CNBD1: variants seen among roughly 807,000 people sequenced by gnomAD.
CNBD1 encodes the protein cyclic nucleotide binding domain containing 1.
Under a neutral mutation model 54.4 loss-of-function variants are expected in CNBD1, and 71 were observed. The ratio of observed to expected loss-of-function variants is 1.30; its 90% confidence interval spans 1.08 to 1.59. The LOEUF (loss-of-function observed/expected upper bound fraction) is 1.59. Ranked by LOEUF, CNBD1 falls within the 40% of genes most tolerant of loss-of-function variation. CNBD1 has a pLI of 0.00. For synonymous variants in CNBD1, 182 were observed against 170.7 expected (o/e 1.07, Z -0.51); for missense variants, 659 against 518.0 (o/e 1.27, Z -2.64).
chr8:86,877,173 A>G (rs1184222228), intron 1 of CNBD1, among the ~76,000 whole-genome samples: 1 of 152,068 alleles, frequency 6.6e-6, no homozygotes, highest in Non-Finnish European at 1.5e-5. Flanking sequence ...AACTGTAACT[A>G]TTAATTATCT....
chr8:87,031,611 G>A (rs962123830), intron 4 of CNBD1, among the ~76,000 whole-genome samples: 1 of 152,120 alleles, frequency 6.6e-6, no homozygotes, highest in African/African-American at 2.4e-5. Context: ...CTTTTCTGGG[G>A]TTATCTGTCT....
intron 4 of CNBD1, among the ~76,000 whole-genome samples, chr8:86,964,109 G>A (rs1808008411): frequency 4.2e-3 from 2 of 474 alleles, no homozygotes. Flanking sequence ...GTACTCTCTG[G>A]TCGTATGGCC....
At chr8:87,083,585 CTTTT>C (rs752855766) in intron 4 of CNBD1, among the ~76,000 whole-genome samples, 2 of 117,154 alleles carry the variant, frequency 1.7e-5, no homozygotes, top group Non-Finnish European at 1.8e-5. Context: ...CAATGTATTT[CTTTT>C]TTTTTTTTTT....
chr8:87,299,579 A>G (rs1487626472), intron 8 of CNBD1, among the ~76,000 whole-genome samples: 1 of 152,214 alleles, frequency 6.6e-6, no homozygotes, highest in Admixed American at 6.5e-5. Context: ...AAAATCATAG[A>G]TTAAATGGAT....
intron 4 of CNBD1, among the ~76,000 whole-genome samples, chr8:87,157,955 A>G (rs1245677429): frequency 6.6e-6 from 1 of 152,152 alleles, no homozygotes; most frequent in Non-Finnish European, 1.5e-5. Context: ...TCAGGCGACT[A>G]ATTCTAGATT....
chr8:87,244,082 C>G (rs1807754888), intron 6 of CNBD1, among the ~76,000 whole-genome samples: 1 of 151,978 alleles, frequency 6.6e-6, no homozygotes, highest in Admixed American at 6.6e-5. Context: ...TGATATCTGC[C>G]CAGGGTGTTC....
intron 6 of CNBD1, among the ~76,000 whole-genome samples, chr8:87,261,330 G>A (rs1260090505): frequency 6.6e-6 from 1 of 152,054 alleles, no homozygotes; most frequent in East Asian, 1.9e-4. Flanking sequence ...TGCGGGTTCA[G>A]TGCTCCTGGG....
At chr8:87,412,856 C>G (rs917595522) in intron 2 of CNBD1, among the ~76,000 whole-genome samples, 3 of 151,812 alleles carry the variant, frequency 2.0e-5, no homozygotes, top group Non-Finnish European at 4.4e-5. Flanking sequence ...TTGTGAGGCT[C>G]TTATATAAGA....
intron 4 of CNBD1, among the ~76,000 whole-genome samples, chr8:87,016,500 T>A (rs1021939419): frequency 1.3e-5 from 2 of 150,054 alleles, no homozygotes; most frequent in Admixed American, 6.6e-5. Flanking sequence ...CTAAGCCCTA[T>A]GGTTATCAAG....
intron 4 of CNBD1, among the ~76,000 whole-genome samples, chr8:86,972,016 G>C (rs889697920): frequency 6.6e-6 from 1 of 151,798 alleles, no homozygotes; most frequent in Non-Finnish European, 1.5e-5. Flanking sequence ...GCAGTGGCAT[G>C]ATCTCGGCTC....
rs138811659 is a variant in CNBD1 at position 87,186,521 on chromosome 8, C to T, written c.432-19472C>T. 4.9e-3 allele frequency among the ~76,000 whole-genome samples: 741 copies of T among 152,066 alleles called. 6 individuals carry two copies. Among genetic ancestry groups the T allele is most frequent in the African/African-American group, 0.017 (709 of 41,532 alleles). On this transcript the variant is annotated intron_variant, in intron 4 of 10. Coordinates refer to ENST00000518476, the MANE Select transcript of CNBD1 (RefSeq NM_173538.3). Reference sequence around the variant, plus strand: ...CTCCAAAGTTAAAAGAAACAATAAACAAACAAACAACAAAAATAAATGAGA... The same window carrying T: ...CTCCAAAGTTAAAAGAAACAATAAATAAACAAACAACAAAAATAAATGAGA...
At chr8:87,056,766 G>A (rs953649857) in intron 4 of CNBD1, among the ~76,000 whole-genome samples, 5 of 151,928 alleles carry the variant, frequency 3.3e-5, no homozygotes, top group Non-Finnish European at 7.4e-5. Flanking sequence ...TATTTTAGAG[G>A]TAGAATTTTT....
chr8:87,280,952 T>A (rs1191663132), intron 6 of CNBD1, among the ~76,000 whole-genome samples: 1 of 150,984 alleles, frequency 6.6e-6, no homozygotes, highest in Non-Finnish European at 1.5e-5. Flanking sequence ...GGATTATCTA[T>A]GTAGCCTTAA....
chr8:87,082,443 T>G (rs922073000), intron 4 of CNBD1, among the ~76,000 whole-genome samples: 2 of 152,236 alleles, frequency 1.3e-5, no homozygotes, highest in Non-Finnish European at 2.9e-5. Context: ...GGGATGTGCA[T>G]GACACTGATC....
chr8:87,144,918 T>C (rs1812451709), intron 4 of CNBD1, among the ~76,000 whole-genome samples: 1 of 151,440 alleles, frequency 6.6e-6, no homozygotes, highest in South Asian at 2.1e-4. Flanking sequence ...CTAACCAGAA[T>C]GTAATACAAA....
rs1425867529 is a variant in CNBD1, at chr8:87,284,849, A to G, written c.909+34A>G. 6 of 1,452,998 alleles carry G rather than the reference A, an allele frequency of 4.1e-6. No homozygotes were observed. In the South Asian group the frequency reaches 6.6e-5, roughly 16 times the overall value. The allele number at this position is 1,452,998 out of a possible 1,614,324, so 90.0% of individuals were successfully genotyped here. ...ATATCTAATATTTTATATAAACAAA[A>G]ATTGGGCATAAACTCAAGCTACATT... On this transcript the variant is annotated intron_variant, in intron 7 of 10. Coordinates refer to ENST00000518476, the MANE Select transcript of CNBD1 (RefSeq NM_173538.3).
Position 87,087,628 on chromosome 8 carries a change from T to G in CNBD1, c.432-118365T>G, listed in dbSNP as rs533847366. ...ACAGGCGCCAGCCACCACGCCCGGC[T>G]ATTTTTTTTTTGTATTTTTAGTAGA... is the stretch of plus-strand genomic sequence containing the variant. On this transcript the variant is annotated intron_variant, in intron 4 of 10. Coordinates refer to ENST00000518476, the MANE Select transcript of CNBD1 (RefSeq NM_173538.3). 6.0e-5 allele frequency among the ~76,000 whole-genome samples: 9 copies of G among 151,080 alleles called. No individual in the cohort carries two copies. In the East Asian group the frequency reaches 1.8e-3, roughly 30 times the overall value.
chr8:87,093,832 A>C (rs1205295662), intron 4 of CNBD1, among the ~76,000 whole-genome samples: 3 of 152,160 alleles, frequency 2.0e-5, no homozygotes, highest in Non-Finnish European at 4.4e-5. Flanking sequence ...GTTTGAATGT[A>C]GCTTTATCAG....
At chr8:86,903,865 AT>A (rs10708085) in intron 2 of CNBD1, among the ~76,000 whole-genome samples, 138,757 of 149,380 alleles carry the variant, frequency 0.93, 64,518 homozygotes, top group East Asian at 1. Context: ...TACAAACAGA[AT>A]TTTTTTTTTT....
Sources: gnomAD v4.1 joint callset for allele counts (sites outside exome capture counted in the v4.1 genomes callset) on GRCh38, gnomAD v4.1.1 for gene constraint, MANE v1.5 for transcripts, NCBI Gene and HGNC (gene_info 2026-07-23, HGNC 2026-07-21) for gene names.